Variants in RERG observed in about 807,000 individuals in gnomAD.
The protein encoded by RERG is ras-related and estrogen-regulated growth inhibitor.
A neutral mutation model predicts 23.2 loss-of-function variants in RERG; 25 were observed. The ratio of observed to expected loss-of-function variants is 1.08; its 90% CI spans 0.79 to 1.50. The LOEUF is 1.50. Among genes scored for constraint, RERG ranks in the 40% most tolerant of loss-of-function variants. The pLI is 0.00. For missense variants in RERG, 253 were observed against 250.1 expected (o/e 1.01, Z -0.08); for synonymous variants, 81 against 89.1 (o/e 0.91, Z 0.51).
chr12:15,214,359 A>C (rs1415103062), intron 2 of RERG, among the ~76,000 whole-genome samples: 1 of 151,972 alleles, frequency 6.6e-6, no homozygotes, highest in Non-Finnish European at 1.5e-5. Flanking sequence ...ACACTCTTTA[A>C]CTCCAAGCTA....
intron 2 of RERG, among the ~76,000 whole-genome samples, chr12:15,185,465 TG>T (rs1206740065): frequency 6.6e-6 from 1 of 152,094 alleles, no homozygotes; most frequent in Non-Finnish European, 1.5e-5. Context: ...CTCACTCCCC[TG>T]GATCTCCTGG....
intron 2 of RERG, among the ~76,000 whole-genome samples, chr12:15,203,392 C>T (rs1865243456): frequency 6.6e-6 from 1 of 151,544 alleles, no homozygotes; most frequent in Non-Finnish European, 1.5e-5. Context: ...AATCATTAAA[C>T]ACTCAACAAA....
At chr12:15,139,055 T>C (rs1864192478) in intron 2 of RERG, among the ~76,000 whole-genome samples, 1 of 148,286 alleles carries the variant, frequency 6.7e-6, no homozygotes, top group African/African-American at 2.4e-5. Context: ...GCGCTTGCTT[T>C]TTACAACATA....
At chr12:15,208,764 GTTAA>G (rs1270284868) in intron 2 of RERG, among the ~76,000 whole-genome samples, 3 of 151,524 alleles carry the variant, frequency 2.0e-5, no homozygotes, top group African/African-American at 7.3e-5. Context: ...GTACATACAT[GTTAA>G]TTGAGAAATC....
intron 2 of RERG, among the ~76,000 whole-genome samples, chr12:15,211,121 C>T (rs991694116): frequency 3.9e-5 from 6 of 152,024 alleles, no homozygotes; most frequent in African/African-American, 1.5e-4. Context: ...CATAATCTGC[C>T]CCTCTTCTTA....
In RERG at chr12:15,109,232, A is replaced by G. The variant is rs576615274; in HGVS notation, c.478T>C (p.Phe160Leu). ...CTGEGNITEI[F>L]YELCREVRRR... ...CGCACCTCTCGACACAATTCATAGAATATCTCTGTGATGTTCCCTTCTCCA... is the reference window on the plus strand; with the variant it reads ...CGCACCTCTCGACACAATTCATAGAGTATCTCTGTGATGTTCCCTTCTCCA... Residue 160 changes from phenylalanine to leucine, a missense_variant, in exon 5 of 5, where the codon TTC becomes CTC. Transcript: ENST00000256953. The G allele has an allele frequency of 1.1e-5, 18 of 1,614,102 alleles. No individual in the cohort carries two copies. The African/African-American group carries it at 2.0e-4, about 18-fold the overall frequency.
rs1863556294 is a variant in RERG at position 15,109,279 on chromosome 12, A to C, written c.431T>G (p.Phe144Cys). The change falls in exon 5 of 5, where the codon TTT (phenylalanine) becomes TGT (cysteine). Residue 144 changes from phenylalanine to cysteine, a missense_variant. By Grantham distance (205) the Phe-to-Cys change is radical. Transcript: ENST00000256953. Reference sequence around the variant, plus strand: ...TCCAGTGCAGGCAGAGCACTCGTAAAAAGCACAAGCCAATTCTGTGGCCAG... The same window carrying C: ...TCCAGTGCAGGCAGAGCACTCGTAACAAGCACAAGCCAATTCTGTGGCCAG... ...EKLATELACA[F>C]YECSACTGEG... 1 of 1,614,002 alleles carries C rather than the reference A, an allele frequency of 6.2e-7. No individual in the cohort carries two copies. Among genetic ancestry groups the C allele is most frequent in the South Asian group, 1.1e-5 (1 of 91,092 alleles).
At chr12:15,164,622 A>G (rs535974121) in intron 2 of RERG, among the ~76,000 whole-genome samples, 1 of 152,310 alleles carries the variant, frequency 6.6e-6, no homozygotes, top group South Asian at 2.1e-4. Context: ...ATTTTCTATT[A>G]GTTGCCATAC....
chr12:15,214,618 A>C (rs529085546), intron 2 of RERG, among the ~76,000 whole-genome samples: 1 of 152,362 alleles, frequency 6.6e-6, no homozygotes, highest in South Asian at 2.1e-4. Context: ...AGGCAGAGAC[A>C]TCAAATAGCC....
chr12:15,110,087 T>C, intron 4 of RERG, among the ~76,000 whole-genome samples: 1 of 152,224 alleles, frequency 6.6e-6, no homozygotes. Context: ...GGCTTTTTTT[T>C]TCTTTTCCTA....
chr12:15,133,767 G>T (rs1864095649), intron 2 of RERG, among the ~76,000 whole-genome samples: 1 of 148,460 alleles, frequency 6.7e-6, no homozygotes, highest in Admixed American at 6.8e-5. Flanking sequence ...CCAGCATTTG[G>T]TGTTGTCAGT....
chr12:15,170,588 A>C (rs759423409), intron 2 of RERG, among the ~76,000 whole-genome samples: 4 of 151,958 alleles, frequency 2.6e-5, no homozygotes, highest in Non-Finnish European at 4.4e-5. Context: ...TGGAGGATAG[A>C]CTCTGTTTAC....
At chr12:15,166,562 T>TTGGTGG (rs1277262863) in intron 2 of RERG, among the ~76,000 whole-genome samples, 1 of 149,374 alleles carries the variant, frequency 6.7e-6, no homozygotes, top group South Asian at 2.1e-4. Context: ...GGTGGTGGTG[T>TTGGTGG]TGGTGGTGGT....
intron 2 of RERG, among the ~76,000 whole-genome samples, chr12:15,156,917 T>C (rs1399355210): frequency 1.3e-5 from 2 of 152,172 alleles, no homozygotes; most frequent in Non-Finnish European, 2.9e-5. Flanking sequence ...GCCTATCTCA[T>C]AGAGATATTG....
chr12:15,179,528 C>T (rs1864895910), intron 2 of RERG, among the ~76,000 whole-genome samples: 1 of 152,178 alleles, frequency 6.6e-6, no homozygotes, highest in Admixed American at 6.5e-5. Flanking sequence ...TGTGAATTTC[C>T]ACCAAAACTT....
chr12:15,116,151 T>C (rs1480551009), intron 3 of RERG, among the ~76,000 whole-genome samples: 5 of 152,206 alleles, frequency 3.3e-5, no homozygotes, highest in African/African-American at 1.2e-4. Context: ...CCAAGTGTTC[T>C]CCCAACGATT....
At chr12:15,139,499 A>G (rs1241594049) in intron 2 of RERG, among the ~76,000 whole-genome samples, 2 of 152,136 alleles carry the variant, frequency 1.3e-5, no homozygotes, top group Non-Finnish European at 2.9e-5. Flanking sequence ...ATTAGATCAG[A>G]GTTTTATAAT....
intron 2 of RERG, among the ~76,000 whole-genome samples, chr12:15,191,132 G>T (rs7302787): frequency 0.28 from 41,804 of 151,892 alleles, 6,938 homozygotes; most frequent in African/African-American, 0.47. Flanking sequence ...AGAGAGGACA[G>T]GACTCATTAG....
intron 2 of RERG, among the ~76,000 whole-genome samples, chr12:15,127,915 A>G (rs1297644129): frequency 6.6e-6 from 1 of 152,192 alleles, no homozygotes; most frequent in African/African-American, 2.4e-5. Context: ...GTAGAAATTA[A>G]TGTTCCCACT....
Sources: allele counts gnomAD v4.1 joint callset (sites outside exome capture counted in the v4.1 genomes callset), GRCh38; gene constraint gnomAD v4.1.1; transcripts MANE v1.5; gene names NCBI Gene and HGNC (gene_info 2026-07-23, HGNC 2026-07-21).